The following VWC2 variants were observed in gnomAD, a reference collection of about 807,000 sequenced individuals.
The protein encoded by VWC2 is brorin.
A neutral mutation model predicts 29.8 loss-of-function variants in VWC2; 14 were observed. The ratio of observed to expected loss-of-function variants is 0.47; its 90% confidence interval spans 0.31 to 0.74. VWC2 has a LOEUF of 0.74. VWC2 is among the 30% of genes least tolerant of loss of function. The probability of loss-of-function intolerance (pLI) is 0.05; values close to 1 mark genes in which losing one functional copy is unlikely to be tolerated. For synonymous variants in VWC2, 213 were observed against 199.0 expected (o/e 1.07, Z -0.59); for missense variants, 457 against 459.8 (o/e 0.99, Z 0.05).
chr7:49,875,801 T>C (rs546349196), intron 3 of VWC2, among the ~76,000 whole-genome samples: 3 of 152,244 alleles, frequency 2.0e-5, no homozygotes, highest in Non-Finnish European at 4.4e-5. Context: ...TAACCATTTA[T>C]TGTTAGTATT....
rs145054098 is a variant in VWC2, at chr7:49,828,776, T to C, written c.826+25936T>C. 2.6e-5 allele frequency among the ~76,000 whole-genome samples: 4 copies of C among 152,302 alleles called. No individual in the cohort carries two copies. In the East Asian group the frequency reaches 7.7e-4, roughly 29 times the overall value. ...CTTGACAGAGAGCAGGCTTTTCAAA[T>C]ATAAGCAACCAATCCAGAGCCCACT... is the stretch of plus-strand genomic sequence containing the variant. On this transcript the variant is annotated intron_variant, in intron 3 of 3. Coordinates refer to ENST00000340652, the MANE Select transcript of VWC2 (RefSeq NM_198570.5).
chr7:49,843,704 T>G (rs1789852033), intron 3 of VWC2, among the ~76,000 whole-genome samples: 1 of 152,048 alleles, frequency 6.6e-6, no homozygotes, highest in African/African-American at 2.4e-5. Context: ...ACAGCTGAGG[T>G]CTATTAGAGA....
chr7:49,881,796 A>T (rs1375727604), intron 3 of VWC2, among the ~76,000 whole-genome samples: 1 of 152,120 alleles, frequency 6.6e-6, no homozygotes, highest in Non-Finnish European at 1.5e-5. Context: ...CACTTTGTAT[A>T]TAATAATAAT....
rs566584229 is a variant in VWC2 at position 49,869,626 on chromosome 7, G to T, written c.827-42408G>T. ...GAATTAAAAAATAGTCCTAAAAAAG[G>T]ATCTGTTTGTCACCAGAATAGTTAA... On this transcript the variant is annotated intron_variant, in intron 3 of 3. Transcript: ENST00000340652. Among the ~76,000 whole-genome samples the T allele has an allele frequency of 1.3e-3, 201 of 152,100 alleles. 1 individual carries two copies. The highest frequency in any genetic ancestry group is 2.4e-3 in the Non-Finnish European group (162 of 67,972).
chr7:49,875,570 G>C (rs1417160850), intron 3 of VWC2, among the ~76,000 whole-genome samples: 1 of 152,018 alleles, frequency 6.6e-6, no homozygotes, highest in East Asian at 1.9e-4. Flanking sequence ...AGTGAAAGGT[G>C]GTCAGGGGTG....
chr7:49,840,032 G>A (rs1016164915), intron 3 of VWC2, among the ~76,000 whole-genome samples: 7 of 152,128 alleles, frequency 4.6e-5, no homozygotes, highest in African/African-American at 9.7e-5. Context: ...TGTCTATCTC[G>A]CCTCATGGAC....
chr7:49,794,264 T>G (rs1023904345), intron 2 of VWC2, among the ~76,000 whole-genome samples: 3 of 152,352 alleles, frequency 2.0e-5, no homozygotes, highest in South Asian at 4.1e-4. Flanking sequence ...GCAGCTCGAA[T>G]GTGCATGAAA....
intron 3 of VWC2, among the ~76,000 whole-genome samples, chr7:49,894,118 A>G (rs1792262826): frequency 6.6e-6 from 1 of 151,662 alleles, no homozygotes; most frequent in African/African-American, 2.4e-5. Flanking sequence ...AGGGGAGGAG[A>G]TATGACATAG....
At chr7:49,795,108 T>C (rs1315311283) in intron 2 of VWC2, among the ~76,000 whole-genome samples, 1 of 152,222 alleles carries the variant, frequency 6.6e-6, no homozygotes, top group Non-Finnish European at 1.5e-5. Context: ...AGTAAGCCTA[T>C]GCAATTGATC....
intron 2 of VWC2, among the ~76,000 whole-genome samples, chr7:49,786,538 A>T (rs1262938370): frequency 6.6e-6 from 1 of 152,174 alleles, no homozygotes; most frequent in Non-Finnish European, 1.5e-5. Context: ...CTCTGATTTA[A>T]GTTCTTTGAG....
intron 3 of VWC2, among the ~76,000 whole-genome samples, chr7:49,903,105 C>T (rs952792896): frequency 7.2e-5 from 11 of 152,064 alleles, no homozygotes; most frequent in African/African-American, 2.7e-4. Flanking sequence ...AAACTTGTGA[C>T]AAGATCAAAT....
At chr7:49,911,480 C>CA (rs34782644) in intron 3 of VWC2, among the ~76,000 whole-genome samples, 45,131 of 71,754 alleles carry the variant, frequency 0.63, 14,155 homozygotes, top group East Asian at 0.66. Context: ...GACTCTGTCT[C>CA]AAAAAAAAAA....
At chr7:49,837,455 C>G (rs1048460409) in intron 3 of VWC2, among the ~76,000 whole-genome samples, 3 of 152,106 alleles carry the variant, frequency 2.0e-5, no homozygotes, top group Non-Finnish European at 4.4e-5. Context: ...TTTTGGGTCC[C>G]CCCTTATTAG....
At chr7:49,789,038 ATGTG>A (rs548464843) in intron 2 of VWC2, among the ~76,000 whole-genome samples, 23 of 119,638 alleles carry the variant, frequency 1.9e-4, no homozygotes, top group African/African-American at 8.0e-4. Context: ...GTGTGGGTGC[ATGTG>A]TGAGTGTGGG....
At chr7:49,820,796 T>A (rs1789245546) in intron 3 of VWC2, among the ~76,000 whole-genome samples, 1 of 152,226 alleles carries the variant, frequency 6.6e-6, no homozygotes, top group Non-Finnish European at 1.5e-5. Flanking sequence ...ACCTGAAACT[T>A]ATCAAAAAGA....
intron 3 of VWC2, among the ~76,000 whole-genome samples, chr7:49,846,808 A>C (rs1269403541): frequency 1.3e-5 from 2 of 152,170 alleles, no homozygotes; most frequent in Non-Finnish European, 2.9e-5. Context: ...TACATATGTA[A>C]ATTTCCCCAG....
chr7:49,788,966 AGTGTGTGTGAGCAT>A (rs1274788905), intron 2 of VWC2, among the ~76,000 whole-genome samples: 3 of 131,242 alleles, frequency 2.3e-5, no homozygotes, highest in African/African-American at 8.9e-5. Context: ...TGTGTGCATG[AGTGTGTGTGAGCAT>A]GTGTGTGTGA....
chr7:49,875,390 A>AAAC, intron 3 of VWC2, among the ~76,000 whole-genome samples: 1 of 150,230 alleles, frequency 6.7e-6, no homozygotes, highest in Middle Eastern at 3.5e-3. Flanking sequence ...AAAAAAAAAA[A>AAAC]AAAAAAACAG....
intron 3 of VWC2, among the ~76,000 whole-genome samples, chr7:49,884,041 C>G (rs534454189): frequency 6.6e-6 from 1 of 151,358 alleles, no homozygotes; most frequent in South Asian, 2.1e-4. Context: ...GAGGCAACTC[C>G]CAGGACCTTG....
Sources: gnomAD v4.1 joint callset for allele counts (sites outside exome capture counted in the v4.1 genomes callset) on GRCh38, gnomAD v4.1.1 for gene constraint, MANE v1.5 for transcripts, NCBI Gene and HGNC (gene_info 2026-07-23, HGNC 2026-07-21) for gene names.